Variants in TEKTL1 observed in about 807,000 individuals in gnomAD.
TEKTL1 encodes the protein tektin-like protein 1.
the TEKTL1 span, chr19:15,011,215 G>A: frequency 6.8e-7 from 1 of 1,477,742 alleles, no homozygotes; most frequent in Admixed American, 2.5e-5. Flanking sequence ...ACGCGCACGC[G>A]CGTGGAGCGC....
At chr19:15,014,731 C>CGGGGGG in the TEKTL1 span, among the ~76,000 whole-genome samples, 1 of 11,752 alleles carries the variant, frequency 8.5e-5, no homozygotes, top group African/African-American at 4.5e-4. Context: ...AGTGGGGGGG[C>CGGGGGG]GGGGGGCGGG....
the TEKTL1 span, chr19:15,023,049 C>T: frequency 1.9e-6 from 3 of 1,611,990 alleles, no homozygotes; most frequent in African/African-American, 1.3e-5. Flanking sequence ...TACGAGCAGG[C>T]GCAGCGCCTG....
the TEKTL1 span, among the ~76,000 whole-genome samples, chr19:15,012,324 G>A: frequency 6.6e-6 from 1 of 151,838 alleles, no homozygotes; most frequent in Non-Finnish European, 1.5e-5. Flanking sequence ...AGCACTTCAG[G>A]ACACCAAGGC....
the TEKTL1 span, chr19:15,010,792 G>T: frequency 4.0e-5 from 60 of 1,497,104 alleles, 1 homozygote; most frequent in South Asian, 7.1e-4. Context: ...TCCGCCTAGG[G>T]TTCCCGGCCA....
chr19:15,013,821 C>A, the TEKTL1 span: 9 of 1,283,764 alleles, frequency 7.0e-6, no homozygotes, highest in East Asian at 1.9e-4. Flanking sequence ...GAGGGGGATC[C>A]CTGGCTGCCT....
chr19:15,020,358 T>C, the TEKTL1 span: 2 of 983,040 alleles, frequency 2.0e-6, no homozygotes. Flanking sequence ...GTAGAAATGC[T>C]TTACAGCCTA....
the TEKTL1 span, among the ~76,000 whole-genome samples, chr19:15,019,198 C>A: frequency 6.6e-6 from 1 of 152,168 alleles, no homozygotes; most frequent in South Asian, 2.1e-4. Flanking sequence ...ATCCTCCCAT[C>A]TTGGCCTCCC....
chr19:15,020,548 G>T, the TEKTL1 span: 20 of 1,613,840 alleles, frequency 1.2e-5, no homozygotes, highest in African/African-American at 1.9e-4. Context: ...TCTGGACAAG[G>T]TTCTGGAGCA....
the TEKTL1 span, chr19:15,021,632 C>T: frequency 2.5e-6 from 4 of 1,614,020 alleles, no homozygotes; most frequent in Admixed American, 3.3e-5. Flanking sequence ...TTAAATATGA[C>T]GTTAGGACTG....
chr19:15,014,736 G>GGTGGGGGGT, the TEKTL1 span, among the ~76,000 whole-genome samples: 1 of 118,512 alleles, frequency 8.4e-6, no homozygotes, highest in African/African-American at 3.2e-5. Flanking sequence ...GGGGGCGGGG[G>GGTGGGGGGT]GCGGGGGCTG....
At chr19:15,022,213 G>C in the TEKTL1 span, among the ~76,000 whole-genome samples, 1 of 152,118 alleles carries the variant, frequency 6.6e-6, no homozygotes, top group South Asian at 2.1e-4. Context: ...TGAGGAGCAC[G>C]TCAGCACCCA....
the TEKTL1 span, chr19:15,020,470 T>G: frequency 5.6e-6 from 9 of 1,612,696 alleles, no homozygotes; most frequent in Non-Finnish European, 5.9e-6. Flanking sequence ...GACCCTGGCC[T>G]CCTGCCGAGA....
At chr19:15,017,876 T>C in the TEKTL1 span, among the ~76,000 whole-genome samples, 1 of 152,090 alleles carries the variant, frequency 6.6e-6, no homozygotes, top group Non-Finnish European at 1.5e-5. Flanking sequence ...ACTTAGGAAT[T>C]GCTTCTTCCC....
the TEKTL1 span, chr19:15,023,254 A>C: frequency 1.3e-6 from 1 of 775,832 alleles, no homozygotes; most frequent in Non-Finnish European, 2.0e-6. Context: ...ATTATAATTA[A>C]AAATAACAAT....
At chr19:15,014,604 T>G in the TEKTL1 span, among the ~76,000 whole-genome samples, 1 of 151,624 alleles carries the variant, frequency 6.6e-6, no homozygotes, top group South Asian at 2.1e-4. Context: ...GCAGATATAG[T>G]ACTAAATTAT....
the TEKTL1 span, among the ~76,000 whole-genome samples, chr19:15,019,842 A>G: frequency 6.6e-6 from 1 of 151,580 alleles, no homozygotes; most frequent in South Asian, 2.1e-4. Context: ...TAAATAAATA[A>G]TACAAATTAG....
the TEKTL1 span, chr19:15,022,017 C>G: frequency 1.0e-4 from 98 of 947,844 alleles, no homozygotes; most frequent in African/African-American, 1.5e-3. Flanking sequence ...CCCTCTCACC[C>G]AAGTCGGCCT....
chr19:15,020,414 T>C, the TEKTL1 span: 2 of 1,555,230 alleles, frequency 1.3e-6, no homozygotes, highest in South Asian at 2.3e-5. Flanking sequence ...TCCACTTCCC[T>C]CAACCTCCCA....
At chr19:15,017,644 A>G in the TEKTL1 span, among the ~76,000 whole-genome samples, 5 of 152,218 alleles carry the variant, frequency 3.3e-5, 1 homozygote, top group African/African-American at 1.2e-4. Context: ...GAAGATCAAG[A>G]TGTGGGTATA....
Sources: allele counts gnomAD v4.1 joint callset (sites outside exome capture counted in the v4.1 genomes callset), GRCh38; gene constraint gnomAD v4.1.1; transcripts MANE v1.5; gene names NCBI Gene and HGNC (gene_info 2026-07-23, HGNC 2026-07-21).